Variants in AUH observed in about 807,000 individuals in gnomAD.
The protein encoded by AUH is AU RNA binding methylglutaconyl-CoA hydratase, also known as methylglutaconyl-CoA hydratase, mitochondrial.
A neutral mutation model predicts 42.3 loss-of-function variants in AUH; 29 were observed. The ratio of observed to expected loss-of-function variants is 0.69; its 90% CI spans 0.51 to 0.93. The LOEUF (loss-of-function observed/expected upper bound fraction) is 0.93. Among genes scored for constraint, AUH ranks in the 40% least tolerant of loss-of-function variants. The probability of loss-of-function intolerance (pLI) is 0.00; values close to 1 mark genes in which losing one functional copy is unlikely to be tolerated. For missense variants in AUH, 452 were observed against 438.1 expected, an observed-to-expected ratio of 1.03 and a Z score of -0.28; for synonymous variants, 174 against 166.4, an observed-to-expected ratio of 1.05 and a Z score of -0.35.
intron 6 of AUH, among the ~76,000 whole-genome samples, chr9:91,274,108 A>T (rs1339963149): frequency 1.3e-5 from 2 of 152,206 alleles, no homozygotes; most frequent in Non-Finnish European, 1.5e-5. Context: ...AAAGAAATGG[A>T]AACAGAATAC....
intron 6 of AUH, among the ~76,000 whole-genome samples, chr9:91,264,617 T>C (rs1398429438): frequency 6.6e-6 from 1 of 152,164 alleles, no homozygotes; most frequent in Non-Finnish European, 1.5e-5. Context: ...ACTATCTTTC[T>C]GATAAATGTA....
chr9:91,250,130 T>C (rs1371049079), intron 6 of AUH, among the ~76,000 whole-genome samples: 2 of 152,140 alleles, frequency 1.3e-5, no homozygotes, highest in African/African-American at 4.8e-5. Flanking sequence ...ACAGAGGAGC[T>C]GTCAAGAACC....
At chr9:91,357,620 A>G in intron 1 of AUH, 1 of 523,324 alleles carries the variant, frequency 1.9e-6, no homozygotes, top group Non-Finnish European at 2.5e-6. Flanking sequence ...GTGCTACAGT[A>G]ACTTGTAACC....
intron 6 of AUH, among the ~76,000 whole-genome samples, chr9:91,229,401 T>G (rs1365149185): frequency 2.7e-5 from 4 of 147,354 alleles, no homozygotes; most frequent in Admixed American, 6.8e-5. Flanking sequence ...GTTTTCCATT[T>G]GCTTGGTAGA....
intron 1 of AUH, among the ~76,000 whole-genome samples, chr9:91,357,059 T>C (rs913347781): frequency 1.3e-5 from 2 of 152,224 alleles, no homozygotes; most frequent in Non-Finnish European, 2.9e-5. Flanking sequence ...AGTATAAAGA[T>C]GAACTTCTGC....
At chr9:91,360,015 A>T (rs898792755) in intron 1 of AUH, among the ~76,000 whole-genome samples, 1 of 149,392 alleles carries the variant, frequency 6.7e-6, no homozygotes, top group African/African-American at 2.4e-5. Flanking sequence ...AGGCTAAAGA[A>T]AAAAAAAAAA....
intron 4 of AUH, chr9:91,306,262 C>T (rs1176275386): frequency 1.5e-5 from 11 of 715,190 alleles, no homozygotes; most frequent in Non-Finnish European, 1.7e-5. Flanking sequence ...AAGGGAAATG[C>T]ACAGATGACA....
intron 6 of AUH, among the ~76,000 whole-genome samples, chr9:91,222,569 C>A (rs1297426695): frequency 6.6e-6 from 1 of 152,124 alleles, no homozygotes; most frequent in African/African-American, 2.4e-5. Context: ...GAATTATTGA[C>A]AAATTTAAAT....
chr9:91,309,080 C>T (rs761262902), intron 4 of AUH, among the ~76,000 whole-genome samples: 9 of 151,572 alleles, frequency 5.9e-5, no homozygotes, highest in African/African-American at 9.7e-5. Context: ...GCGTGAGCCA[C>T]GGCGCCTGGT....
intron 7 of AUH, among the ~76,000 whole-genome samples, chr9:91,219,263 T>C (rs1260545719): frequency 6.6e-6 from 1 of 152,200 alleles, no homozygotes; most frequent in African/African-American, 2.4e-5. Flanking sequence ...AGTAGAGAGC[T>C]GAACATCCAT....
Position 91,291,483 on chromosome 9 carries a change from C to T in AUH, c.655+4538G>A, listed in dbSNP as rs190090432. Among the ~76,000 whole-genome samples the T allele has an allele frequency of 8.5e-5, 13 of 152,308 alleles. No individual in the cohort carries two copies. The East Asian group carries it at 2.3e-3, about 27-fold the overall frequency. ...TTGCTTTATTTCACATATTAGTTAT[C>T]TGGGAATTCTTTTTAAATTGATCCA... On this transcript the variant is annotated intron_variant, in intron 6 of 9. Coordinates refer to ENST00000375731, the MANE Select transcript of AUH (RefSeq NM_001698.3).
chr9:91,250,113 CAGA>C (rs971722554), intron 6 of AUH, among the ~76,000 whole-genome samples: 14 of 152,068 alleles, frequency 9.2e-5, no homozygotes, highest in African/African-American at 2.4e-4. Context: ...TGTCTCCAGG[CAGA>C]AGGACAGAGG....
intron 6 of AUH, among the ~76,000 whole-genome samples, chr9:91,273,265 C>A (rs1825296871): frequency 6.6e-6 from 1 of 152,118 alleles, no homozygotes; most frequent in South Asian, 2.1e-4. Context: ...GATTAAGATG[C>A]CGGCAAGGTT....
chr9:91,253,395 T>C (rs924565690), intron 6 of AUH, among the ~76,000 whole-genome samples: 1 of 152,208 alleles, frequency 6.6e-6, no homozygotes, highest in African/African-American at 2.4e-5. Flanking sequence ...ATTTTTGTTA[T>C]GATGTTAAAT....
intron 6 of AUH, among the ~76,000 whole-genome samples, chr9:91,241,783 TA>T (rs200780504): frequency 1.8e-4 from 28 of 151,830 alleles, no homozygotes; most frequent in Non-Finnish European, 1.8e-4. Context: ...TTTTATACTT[TA>T]AAAAAAAATC....
chr9:91,282,007 A>G (rs73651410), intron 6 of AUH, among the ~76,000 whole-genome samples: 6,348 of 152,052 alleles, frequency 0.042, 416 homozygotes, highest in African/African-American at 0.14. Flanking sequence ...CCCCCTTCTC[A>G]CTCAGGGTAA....
At chr9:91,302,943 A>G (rs1827919814) in intron 4 of AUH, among the ~76,000 whole-genome samples, 1 of 152,256 alleles carries the variant, frequency 6.6e-6, no homozygotes, top group African/African-American at 2.4e-5. Flanking sequence ...TATTCCCAAC[A>G]GCAAGAGGAA....
At chr9:91,354,173 A>C (rs1021219783) in intron 3 of AUH, among the ~76,000 whole-genome samples, 1 of 152,114 alleles carries the variant, frequency 6.6e-6, no homozygotes, top group East Asian at 1.9e-4. Context: ...CGTCTCAAAA[A>C]AAAAAACAAG....
At chr9:91,327,807 G>T (rs960482763) in intron 3 of AUH, among the ~76,000 whole-genome samples, 1 of 152,198 alleles carries the variant, frequency 6.6e-6, no homozygotes, top group East Asian at 1.9e-4. Context: ...AGGACTCCCC[G>T]AGCAAGAGTT....
Sources: gnomAD v4.1 joint callset for allele counts (sites outside exome capture counted in the v4.1 genomes callset) on GRCh38, gnomAD v4.1.1 for gene constraint, MANE v1.5 for transcripts, NCBI Gene and HGNC (gene_info 2026-07-23, HGNC 2026-07-21) for gene names.